Variants in MEOX2 observed in about 807,000 individuals in gnomAD.
The protein encoded by MEOX2 is homeobox protein MOX-2.
In MEOX2, 11 loss-of-function variants were observed where a neutral mutation model predicts 27.0. The observed-to-expected ratio is 0.41, with a 90% CI of 0.26 to 0.68. MEOX2 has a LOEUF of 0.68. Ranked by LOEUF, MEOX2 falls within the 30% of genes least tolerant of loss-of-function variation. The probability of loss-of-function intolerance (pLI) is 0.33; values close to 1 mark genes in which losing one functional copy is unlikely to be tolerated. For missense variants in MEOX2, 436 were observed against 385.4 expected (o/e 1.13, Z -1.10); for synonymous variants, 189 against 155.4 (o/e 1.22, Z -1.61).
At chr7:15,620,029 ACC>A (rs1324648877) in intron 2 of MEOX2, among the ~76,000 whole-genome samples, 1 of 152,072 alleles carries the variant, frequency 6.6e-6, no homozygotes, top group East Asian at 1.9e-4. Flanking sequence ...TTTGATGCTT[ACC>A]AATACTGTCA....
At chr7:15,654,278 C>T (rs1781786261) in intron 1 of MEOX2, among the ~76,000 whole-genome samples, 1 of 151,836 alleles carries the variant, frequency 6.6e-6, no homozygotes, top group South Asian at 2.1e-4. Flanking sequence ...TCTGTACTCA[C>T]ATATAAGTTC....
chr7:15,675,733 C>T (rs1357123548), intron 1 of MEOX2, among the ~76,000 whole-genome samples: 1 of 152,178 alleles, frequency 6.6e-6, no homozygotes, highest in African/African-American at 2.4e-5. Flanking sequence ...AAAACTTTGA[C>T]AAATCAAGCC....
At chr7:15,631,906 A>ATGTGTGTGTGTGTGTGTGTGTGTGTGTG (rs146116757) in intron 1 of MEOX2, among the ~76,000 whole-genome samples, 3,793 of 129,222 alleles carry the variant, frequency 0.029, 102 homozygotes, top group Non-Finnish European at 0.035. Flanking sequence ...CCAAGGTTAA[A>ATGTGTGTGTGTGTGTGTGTGTGTGTGTG]TGTGTGTGTG....
chr7:15,640,691 G>T (rs1465829027), intron 1 of MEOX2, among the ~76,000 whole-genome samples: 1 of 152,070 alleles, frequency 6.6e-6, no homozygotes, highest in Non-Finnish European at 1.5e-5. Context: ...GTATTTTGAA[G>T]TATGTTCCTT....
intron 2 of MEOX2, among the ~76,000 whole-genome samples, chr7:15,623,528 C>T (rs146516868): frequency 1.3e-5 from 2 of 152,192 alleles, no homozygotes; most frequent in African/African-American, 4.8e-5. Flanking sequence ...TGCCACCACG[C>T]CTGGCTCATT....
intron 1 of MEOX2, among the ~76,000 whole-genome samples, chr7:15,673,258 A>T (rs1782132572): frequency 6.6e-6 from 1 of 152,222 alleles, no homozygotes; most frequent in African/African-American, 2.4e-5. Context: ...ACAAGGGGAA[A>T]TGTAAGTGTA....
chr7:15,637,254 A>G (rs1481958083), intron 1 of MEOX2, among the ~76,000 whole-genome samples: 1 of 152,062 alleles, frequency 6.6e-6, no homozygotes, highest in Non-Finnish European at 1.5e-5. Context: ...TGAAGCTTTC[A>G]TCTAGGTCTT....
chr7:15,664,739 A>T (rs891075951), intron 1 of MEOX2, among the ~76,000 whole-genome samples: 35 of 152,146 alleles, frequency 2.3e-4, no homozygotes, highest in African/African-American at 7.5e-4. Flanking sequence ...GAAGTTTGCA[A>T]GGGCTGTACA....
intron 2 of MEOX2, among the ~76,000 whole-genome samples, chr7:15,614,254 T>C (rs1261714097): frequency 1.1e-5 from 1 of 90,192 alleles, no homozygotes; most frequent in Non-Finnish European, 2.4e-5. Context: ...TAAAATAAAA[T>C]AAAATAAAAT....
chr7:15,643,115 C>T (rs1388381563), intron 1 of MEOX2, among the ~76,000 whole-genome samples: 1 of 152,152 alleles, frequency 6.6e-6, no homozygotes, highest in Non-Finnish European at 1.5e-5. Flanking sequence ...AGTTGAGTTC[C>T]CTACAATCAT....
At position 15,612,013 on chromosome 7, in the gene MEOX2, A is replaced by G. The variant is rs983292591; in HGVS notation, c.*374T>C. On this transcript the variant is annotated 3_prime_UTR_variant, in exon 3 of 3. Transcript: ENST00000262041. ...TGATCTCACACATCTGGAATGTTCAATGCAAGTTCATCCTCGGCATCTTCA... is the reference window on the plus strand; with the variant it reads ...TGATCTCACACATCTGGAATGTTCAGTGCAAGTTCATCCTCGGCATCTTCA... 10 of 249,016 alleles carry G rather than the reference A, an allele frequency of 4.0e-5. No individual in the cohort carries two copies. Among genetic ancestry groups the G allele is most frequent in the Admixed American group, 1.9e-4 (4 of 20,530 alleles). 15.4% of individuals were successfully genotyped at this position (249,016 alleles called of 1,614,324 possible). A position where few individuals can be genotyped will look rare whatever the true frequency, so the allele number is the denominator to read the frequency against.
At chr7:15,612,917 G>A (rs1478824758) in intron 2 of MEOX2, among the ~76,000 whole-genome samples, 1 of 152,130 alleles carries the variant, frequency 6.6e-6, no homozygotes, top group Non-Finnish European at 1.5e-5. Flanking sequence ...CGTCTATAAA[G>A]AGCTTCTGTG....
Position 15,622,741 on chromosome 7 carries a change from A to G in MEOX2, c.690+4005T>C, listed in dbSNP as rs190233341. Among the ~76,000 whole-genome samples the G allele has an allele frequency of 1.7e-4, 26 of 152,308 alleles. No homozygotes were observed. In the East Asian group the frequency reaches 4.6e-3, roughly 27 times the overall value. On this transcript the variant is annotated intron_variant, in intron 2 of 2. Transcript: ENST00000262041. ...ATAAAATCTAAGTAATGGAATAGCC[A>G]TGCTATGGTCTAAATATTTATGTCT...
intron 2 of MEOX2, among the ~76,000 whole-genome samples, chr7:15,617,989 C>T (rs1267765328): frequency 6.6e-6 from 1 of 151,994 alleles, no homozygotes; most frequent in Non-Finnish European, 1.5e-5. Flanking sequence ...GATTAAATTC[C>T]CCACGACAGA....
intron 2 of MEOX2, among the ~76,000 whole-genome samples, chr7:15,618,982 G>A: frequency 6.6e-6 from 1 of 151,928 alleles, no homozygotes; most frequent in East Asian, 1.9e-4. Context: ...TAAACTGAAT[G>A]CATCTCTGAG....
chr7:15,686,433 A>C lies in MEOX2; in HGVS notation c.-31T>G, dbSNP rs758478965. On this transcript the variant is annotated 5_prime_UTR_variant, in exon 1 of 3. Transcript: ENST00000262041. Reference sequence around the variant, plus strand: ...GCAAGTTTCGGGTTCCAGGCAGAAGACTTCACGGCGGTTCCAAAGGCCACC... The same window carrying C: ...GCAAGTTTCGGGTTCCAGGCAGAAGCCTTCACGGCGGTTCCAAAGGCCACC... 2 of 1,537,810 alleles carry C rather than the reference A, an allele frequency of 1.3e-6. No individual in the cohort carries two copies. Among genetic ancestry groups the C allele is most frequent in the Non-Finnish European group, 1.8e-6 (2 of 1,139,670 alleles).
intron 1 of MEOX2, among the ~76,000 whole-genome samples, chr7:15,656,097 ATCTC>A (rs1208604715): frequency 2.0e-5 from 3 of 151,788 alleles, no homozygotes; most frequent in Admixed American, 6.6e-5. Context: ...CATTTTTAAT[ATCTC>A]TCTCTGTCTC....
intron 2 of MEOX2, among the ~76,000 whole-genome samples, chr7:15,625,216 T>C (rs1353754509): frequency 6.6e-6 from 1 of 152,154 alleles, no homozygotes; most frequent in African/African-American, 2.4e-5. Flanking sequence ...TAATTCTCCC[T>C]CCACATACAC....
intron 1 of MEOX2, among the ~76,000 whole-genome samples, chr7:15,684,351 C>T (rs1782341171): frequency 6.6e-6 from 1 of 152,114 alleles, no homozygotes; most frequent in Non-Finnish European, 1.5e-5. Context: ...AAAATTGAAA[C>T]CTTTTTGCTA....
Sources: gnomAD v4.1 joint callset for allele counts (sites outside exome capture counted in the v4.1 genomes callset) on GRCh38, gnomAD v4.1.1 for gene constraint, MANE v1.5 for transcripts, NCBI Gene and HGNC (gene_info 2026-07-23, HGNC 2026-07-21) for gene names.